The following ZFYVE1 variants were observed in gnomAD, a reference collection of about 807,000 sequenced individuals.
ZFYVE1 encodes the protein zinc finger FYVE-type containing 1.
A neutral mutation model predicts 74.4 loss-of-function variants in ZFYVE1; 30 were observed. The ratio of observed to expected loss-of-function variants is 0.40; its 90% CI spans 0.30 to 0.55. The LOEUF is 0.55. Among genes scored for constraint, ZFYVE1 ranks in the 20% least tolerant of loss-of-function variants. ZFYVE1 has a pLI of 0.42. For synonymous variants in ZFYVE1, 335 were observed against 385.1 expected (o/e 0.87, Z 1.52); for missense variants, 703 against 1,011.6 (o/e 0.69, Z 4.14).
At chr14:73,005,538 G>A (rs1162703458) in intron 2 of ZFYVE1, among the ~76,000 whole-genome samples, 2 of 152,168 alleles carry the variant, frequency 1.3e-5, no homozygotes, top group East Asian at 1.9e-4. Flanking sequence ...GGCCTCAGGC[G>A]AGTCCAAAAC....
At chr14:73,006,908 G>A (rs1222133911) in intron 2 of ZFYVE1, among the ~76,000 whole-genome samples, 1 of 151,598 alleles carries the variant, frequency 6.6e-6, no homozygotes, top group Non-Finnish European at 1.5e-5. Flanking sequence ...GTAGAGACAG[G>A]GTTTATGTTG....
At chr14:72,980,536 A>ATTTATTT (rs1567347244) in intron 5 of ZFYVE1, among the ~76,000 whole-genome samples, 74 of 81,524 alleles carry the variant, frequency 9.1e-4, no homozygotes, top group African/African-American at 2.3e-3. Context: ...AGAATTAATT[A>ATTTATTT]ATTTATTTAT....
At position 73,023,269 on chromosome 14, in the gene ZFYVE1, ATATATAT is replaced by A. The variant is rs1218229822; in HGVS notation, c.483+750_483+756del. ...ATATATATTATATGTTTTATATATA[ATATATAT>A]TATATATGTTTTATATATAATATAT... On this transcript the variant is annotated intron_variant, in intron 2 of 11. Transcript: ENST00000556143. Among the ~76,000 whole-genome samples the A allele has an allele frequency of 5.6e-4, 64 of 113,804 alleles. 1 individual carries two copies. In the East Asian group the frequency reaches 0.01, roughly 18 times the overall value. The allele number at this position is 113,804 out of a possible 152,430, so 74.7% of individuals were successfully genotyped here.
chr14:72,981,873 C>T lies in ZFYVE1; in HGVS notation c.1226G>A (p.Gly409Asp). 1 of 1,614,092 alleles carries T rather than the reference C, an allele frequency of 6.2e-7. No homozygotes were observed. The highest frequency in any genetic ancestry group is 1.1e-5 in the South Asian group (1 of 91,080). Residue 409 changes from glycine (G) to aspartate (D), a missense_variant, in exon 5 of 12, where the codon GGT becomes GAT. Physicochemically the swap from Gly to Asp is moderately conservative, Grantham distance 94. Around this residue, in one of 2 missense-constraint regions of ZFYVE1, gnomAD observed 492 missense variants for 790.0 expected, o/e 0.62. Transcript: ENST00000556143. ...CGCCATCTGGTCATCGGGGATCTCA[C>T]CGCTGAAGCGGTCACTTAGTGCCTG... The part of the protein sequence containing the change: ...ALKALSDRFS[G>D]EIPDDQMAHS...
chr14:72,972,898 C>T (rs1197346071), intron 11 of ZFYVE1, among the ~76,000 whole-genome samples: 3 of 151,908 alleles, frequency 2.0e-5, no homozygotes, highest in Non-Finnish European at 4.4e-5. Flanking sequence ...TCAGTAGAGA[C>T]GGGTTTTCAC....
chr14:73,015,555 TGTATTTTTAGTAGACAC>T (rs1253723354), intron 2 of ZFYVE1, among the ~76,000 whole-genome samples: 1 of 152,094 alleles, frequency 6.6e-6, no homozygotes, highest in Non-Finnish European at 1.5e-5. Flanking sequence ...AGCTGATTTC[TGTATTTTTAGTAGACAC>T]GGGGTTTTGC....
At position 73,024,720 on chromosome 14, in the gene ZFYVE1, C is replaced by T. The variant is rs1007919086; in HGVS notation, c.-212G>A. ...GCCTCTAAGACTCTTGTATTAGCAG[C>T]AACGTTGATTTGGTTTGATGGTTTC... On this transcript the variant is annotated 5_prime_UTR_variant, in exon 2 of 12. Transcript: ENST00000556143. The T allele has an allele frequency of 1.6e-6, 1 of 634,796 alleles. No homozygotes were observed. The highest frequency in any genetic ancestry group is 1.8e-5 in the African/African-American group (1 of 54,588). 39.3% of individuals were successfully genotyped at this position (634,796 alleles called of 1,614,324 possible).
chr14:73,012,254 A>C (rs1317925023), intron 2 of ZFYVE1, among the ~76,000 whole-genome samples: 29 of 152,094 alleles, frequency 1.9e-4, no homozygotes, highest in Admixed American at 1.9e-3. Context: ...ATAAGGAAAA[A>C]AATTATAGTG....
chr14:72,990,412 T>A (rs1187785021), intron 4 of ZFYVE1, among the ~76,000 whole-genome samples: 1 of 151,974 alleles, frequency 6.6e-6, no homozygotes, highest in Non-Finnish European at 1.5e-5. Context: ...TTTTTTTTTT[T>A]TGAGATGGAG....
chr14:72,999,093 G>C (rs1015175817), intron 2 of ZFYVE1, among the ~76,000 whole-genome samples: 1 of 152,140 alleles, frequency 6.6e-6, no homozygotes, highest in South Asian at 2.1e-4. Flanking sequence ...AGGAGTTCAA[G>C]TGCAGTCTGG....
rs907515609 is a variant in ZFYVE1, at chr14:73,001,125, T to C, written c.484-2810A>G. ...TACGCAAGACTGCATATTCCTGCTG[T>C]TGCAAAATGTTGTTTATTTATTGAA... On this transcript the variant is annotated intron_variant, in intron 2 of 11. Coordinates refer to ENST00000556143, the MANE Select transcript of ZFYVE1 (RefSeq NM_021260.4). 1.1e-4 allele frequency among the ~76,000 whole-genome samples: 17 copies of C among 152,224 alleles called. 1 individual carries two copies. The highest frequency in any genetic ancestry group is 4.1e-4 in the South Asian group (2 of 4,828).
chr14:72,990,828 G>A (rs1368198286), intron 4 of ZFYVE1, among the ~76,000 whole-genome samples: 2 of 149,110 alleles, frequency 1.3e-5, no homozygotes, highest in Non-Finnish European at 3.0e-5. Context: ...AGCCTCCCTA[G>A]TAGCTGGGAT....
At chr14:72,982,328 C>T (rs1420542174) in intron 4 of ZFYVE1, among the ~76,000 whole-genome samples, 1 of 151,576 alleles carries the variant, frequency 6.6e-6, no homozygotes, top group Non-Finnish European at 1.5e-5. Flanking sequence ...GCTATAACCA[C>T]AGGCACTTAC....
chr14:73,015,404 G>GGGGGGGAAGGAAGAGGGGAAGGAA (rs1491512310), intron 2 of ZFYVE1, among the ~76,000 whole-genome samples: 4 of 334 alleles, frequency 0.012, no homozygotes, highest in African/African-American at 0.023. Flanking sequence ...GGGGAAGGAA[G>GGGGGGGAAGGAAGAGGGGAAGGAA]GGGGGGGAAG....
intron 2 of ZFYVE1, among the ~76,000 whole-genome samples, chr14:73,015,549 G>A (rs974025255): frequency 4.6e-5 from 7 of 152,032 alleles, no homozygotes; most frequent in Admixed American, 4.6e-4. Flanking sequence ...CTGCCCAGCT[G>A]ATTTCTGTAT....
At chr14:73,005,492 C>T (rs1440075298) in intron 2 of ZFYVE1, among the ~76,000 whole-genome samples, 1 of 152,184 alleles carries the variant, frequency 6.6e-6, no homozygotes, top group African/African-American at 2.4e-5. Flanking sequence ...GCCACCCCTC[C>T]CCAACTTTTG....
chr14:72,996,593 G>C (rs1460700755), intron 3 of ZFYVE1, among the ~76,000 whole-genome samples: 2 of 152,072 alleles, frequency 1.3e-5, no homozygotes, highest in Non-Finnish European at 2.9e-5. Flanking sequence ...TTTGTTCCTT[G>C]AAGCTACTAG....
chr14:73,003,914 G>C (rs1282821030), intron 2 of ZFYVE1, among the ~76,000 whole-genome samples: 1 of 152,136 alleles, frequency 6.6e-6, no homozygotes, highest in Non-Finnish European at 1.5e-5. Flanking sequence ...TGGCACACAG[G>C]AGGAGCTCAG....
At position 73,006,780 on chromosome 14, in the gene ZFYVE1, A is replaced by G. The variant is rs563640072; in HGVS notation, c.484-8465T>C. On this transcript the variant is annotated intron_variant, in intron 2 of 11. Transcript: ENST00000556143. ...GCCCAGGCTGGAGTGCAGTGCCGCA[A>G]TCTTGGGTTACTGCAACCTCTGCTT... Among the ~76,000 whole-genome samples, 6 of 139,818 alleles carry G rather than the reference A, an allele frequency of 4.3e-5. No homozygotes were observed. In the South Asian group the frequency reaches 1.2e-3, roughly 27 times the overall value. The allele number at this position is 139,818 out of a possible 152,430, so 91.7% of individuals were successfully genotyped here. A position where few individuals can be genotyped will look rare whatever the true frequency, so the allele number is the denominator to read the frequency against.
Sources: allele counts gnomAD v4.1 joint callset (sites outside exome capture counted in the v4.1 genomes callset), GRCh38; gene constraint gnomAD v4.1.1; regional missense constraint gnomAD v4.1.1; transcripts MANE v1.5; gene names NCBI Gene and HGNC (gene_info 2026-07-23, HGNC 2026-07-21).